The following INTS4 variants were observed in gnomAD, a reference collection of about 807,000 sequenced individuals.
The protein encoded by INTS4 is integrator complex subunit 4.
Under a neutral mutation model 119.5 loss-of-function variants are expected in INTS4, and 70 were observed. The observed-to-expected ratio is 0.59, with a 90% confidence interval of 0.48 to 0.71. INTS4 has a LOEUF of 0.71. INTS4 is among the 30% of genes least tolerant of loss of function. INTS4 has a pLI of 0.00. For missense variants in INTS4, 867 were observed against 1,173.2 expected (o/e 0.74, Z 3.81); for synonymous variants, 316 against 419.6 (o/e 0.75, Z 3.02).
chr11:77,911,285 A>T (rs192918143), intron 15 of INTS4: 1 of 407,896 alleles, frequency 2.5e-6, no homozygotes, highest in African/African-American at 2.1e-5. Context: ...AACCCAGCAC[A>T]ATGAAAGCCA....
chr11:77,912,180 G>A (rs924478824), intron 15 of INTS4, among the ~76,000 whole-genome samples: 1 of 152,042 alleles, frequency 6.6e-6, no homozygotes, highest in Non-Finnish European at 1.5e-5. Context: ...TGGGCAACAC[G>A]GTGATACCCC....
chr11:77,994,545 T>C (rs1173598576), intron 1 of INTS4, 45 bp downstream of exon 1: 3 of 1,461,122 alleles, frequency 2.1e-6, no homozygotes. Context: ...TTGGATAATC[T>C]ACCCTGGTCC....
chr11:77,928,263 C>G, intron 11 of INTS4, 79 bp downstream of exon 11: 1 of 1,463,942 alleles, frequency 6.8e-7, no homozygotes, highest in Admixed American at 1.8e-5. Flanking sequence ...TGTTCTGTCA[C>G]CAATGCCTAG....
chr11:77,978,893 C>G, intron 4 of INTS4, 103 bp downstream of exon 4: 1 of 669,886 alleles, frequency 1.5e-6, no homozygotes, highest in Admixed American at 2.2e-5. Context: ...TAATCCAACA[C>G]CAAGAGATGA....
intron 15 of INTS4, among the ~76,000 whole-genome samples, chr11:77,913,307 A>ATTTTT (rs565622764): frequency 8.1e-6 from 1 of 122,776 alleles, no homozygotes; most frequent in Non-Finnish European, 1.7e-5. Context: ...GTTAGTTTAA[A>ATTTTT]TTTTTTTTTT....
Position 77,901,431 on chromosome 11 carries a change from T to C in INTS4, c.2218A>G (p.Thr740Ala), listed in dbSNP as rs751742113. The stretch of plus-strand genomic sequence containing the variant: ...AACCCCACATCTTACCCTCGTGTAG[T>C]TCGTGCTGTTACTATAAGTTGCAAA... ...KALQLIVTAR[T>A]TRGLDPLFGM... Residue 740 changes from threonine (T) to alanine (A), a missense_variant, in exon 18 of 23, where the codon ACT becomes GCT. Coordinates refer to ENST00000534064, the MANE Select transcript of INTS4 (RefSeq NM_033547.4). The C allele has an allele frequency of 1.9e-6, 3 of 1,613,926 alleles. No individual in the cohort carries two copies. In the South Asian group the frequency reaches 3.3e-5, roughly 18 times the overall value.
chr11:77,917,518 G>A (rs557640317), intron 15 of INTS4, among the ~76,000 whole-genome samples: 2 of 151,570 alleles, frequency 1.3e-5, no homozygotes, highest in East Asian at 4.0e-4. Context: ...TTCACTCAAC[G>A]GGGCTGGTCT....
chr11:77,931,969 C>G (rs1953661149), intron 10 of INTS4, among the ~76,000 whole-genome samples: 1 of 152,152 alleles, frequency 6.6e-6, no homozygotes, highest in African/African-American at 2.4e-5. Context: ...AAACATAAGA[C>G]CTAAAACCAT....
chr11:77,991,581 G>T (rs779693130), intron 1 of INTS4, among the ~76,000 whole-genome samples: 1 of 151,552 alleles, frequency 6.6e-6, no homozygotes. Context: ...TAGAGATGGA[G>T]TCTCTCTATG....
chr11:77,936,477 C>T (rs11237324), intron 10 of INTS4, among the ~76,000 whole-genome samples: 6 of 152,086 alleles, frequency 3.9e-5, no homozygotes, highest in East Asian at 3.9e-4. Flanking sequence ...CTAACTCCTG[C>T]GCTCAAGCAA....
intron 21 of INTS4, among the ~76,000 whole-genome samples, chr11:77,889,136 T>C (rs1952147987): frequency 6.6e-6 from 1 of 152,164 alleles, no homozygotes; most frequent in Non-Finnish European, 1.5e-5. Flanking sequence ...ATATGTTTAT[T>C]GCGGCACCAC....
At chr11:77,937,959 T>C (rs542415522) in intron 10 of INTS4, among the ~76,000 whole-genome samples, 9 of 152,116 alleles carry the variant, frequency 5.9e-5, no homozygotes, top group Non-Finnish European at 1.3e-4. Context: ...GTGATTCTTG[T>C]GTCTGAGCCT....
At chr11:77,953,422 A>AT (rs1389535922) in intron 8 of INTS4, among the ~76,000 whole-genome samples, 1 of 152,204 alleles carries the variant, frequency 6.6e-6, no homozygotes, top group African/African-American at 2.4e-5. Context: ...TTTGAGCATC[A>AT]TGACAACACT....
At chr11:77,937,814 T>G (rs1162124900) in intron 10 of INTS4, among the ~76,000 whole-genome samples, 1 of 139,364 alleles carries the variant, frequency 7.2e-6, no homozygotes, top group African/African-American at 2.8e-5. Flanking sequence ...AAAATATCTT[T>G]CTGTATTTAT....
intron 4 of INTS4, among the ~76,000 whole-genome samples, chr11:77,962,777 A>C (rs951295577): frequency 6.6e-6 from 1 of 152,142 alleles, no homozygotes; most frequent in East Asian, 1.9e-4. Flanking sequence ...AATGATTCTC[A>C]AAGTGAGTCA....
intron 21 of INTS4, among the ~76,000 whole-genome samples, chr11:77,889,712 A>AT (rs1952180243): frequency 6.6e-6 from 1 of 152,150 alleles, no homozygotes; most frequent in Non-Finnish European, 1.5e-5. Context: ...GAACAGAGGA[A>AT]TGACTCCGGG....
chr11:77,976,481 G>C (rs1032556578), intron 4 of INTS4, among the ~76,000 whole-genome samples: 1 of 152,124 alleles, frequency 6.6e-6, no homozygotes, highest in East Asian at 1.9e-4. Flanking sequence ...CCAGGAGTTC[G>C]AGACCAGCCT....
rs754443970 is a variant in INTS4 at position 77,901,465 on chromosome 11, C to T, written c.2184G>A (p.Gln728=). Residue 728 remains glutamine, a synonymous_variant, in exon 18 of 23, where the codon CAG becomes CAA. Coordinates refer to ENST00000534064, the MANE Select transcript of INTS4 (RefSeq NM_033547.4). Reference sequence around the variant, plus strand: ...TTACTATAAGTTGCAAAGCTTTGGCCTGCAGCCTCATGTGATGTATAATCA... The same window carrying T: ...TTACTATAAGTTGCAAAGCTTTGGCTTGCAGCCTCATGTGATGTATAATCA... ...QVVIIHHMRL[Q]AKALQLIVTA... is the part of the protein sequence containing the mutation. 3.1e-6 allele frequency: 5 copies of T among 1,613,984 alleles called. No homozygotes were observed. The highest frequency in any genetic ancestry group is 4.2e-6 in the Non-Finnish European group (5 of 1,179,858).
At chr11:77,900,837 C>T (rs965172282) in intron 18 of INTS4, 82 of 559,866 alleles carry the variant, frequency 1.5e-4, no homozygotes, top group Middle Eastern at 4.7e-4. Context: ...GCTCTTATTA[C>T]GTATCAAGTA....
Sources: gnomAD v4.1 joint callset for allele counts (sites outside exome capture counted in the v4.1 genomes callset) on GRCh38, gnomAD v4.1.1 for gene constraint, MANE v1.5 for transcripts, NCBI Gene and HGNC (gene_info 2026-07-23, HGNC 2026-07-21) for gene names.